Variants in JMJD1C observed in about 807,000 individuals in gnomAD.
The protein encoded by JMJD1C is jumonji domain-containing protein 1C.
In JMJD1C, 31 loss-of-function variants were observed where a neutral mutation model predicts 245.3. The ratio of observed to expected loss-of-function variants is 0.13; its 90% confidence interval spans 0.09 to 0.17. The LOEUF (loss-of-function observed/expected upper bound fraction) is 0.17, where lower values mean the gene tolerates loss of function less well. Among genes scored for constraint, JMJD1C ranks in the 10% least tolerant of loss-of-function variants. The pLI is 1.00. For synonymous variants in JMJD1C, 1,057 were observed against 1,017.4 expected, an observed-to-expected ratio of 1.04 and a Z score of -0.74; for missense variants, 2,691 against 3,000.2, an observed-to-expected ratio of 0.90 and a Z score of 2.41.
At chr10:63,515,364 G>C (rs1954985760) in intron 1 of JMJD1C, among the ~76,000 whole-genome samples, 1 of 152,120 alleles carries the variant, frequency 6.6e-6, no homozygotes, top group Non-Finnish European at 1.5e-5. Context: ...TTCTCCAGCT[G>C]ACAGCGTAAG....
chr10:63,465,002 C>G (rs181908056), intron 1 of JMJD1C, among the ~76,000 whole-genome samples: 1 of 152,356 alleles, frequency 6.6e-6, no homozygotes, highest in African/African-American at 2.4e-5. Context: ...GTGGGAAGGT[C>G]TCTTTTCTTT....
At chr10:63,305,191 A>AC (rs1937858800) in intron 2 of JMJD1C, among the ~76,000 whole-genome samples, 1 of 151,690 alleles carries the variant, frequency 6.6e-6, no homozygotes, top group South Asian at 2.1e-4. Context: ...ACATGGTGAA[A>AC]CCCCGTCTCT....
At chr10:63,273,764 T>C (rs964370399) in intron 2 of JMJD1C, among the ~76,000 whole-genome samples, 3 of 152,170 alleles carry the variant, frequency 2.0e-5, no homozygotes, top group Non-Finnish European at 4.4e-5. Context: ...ACTTCCTTCC[T>C]TTTTAGTTGG....
At position 63,380,353 on chromosome 10, in the gene JMJD1C, C is replaced by G; in HGVS notation, c.298G>C (p.Gly100Arg). 6.2e-7 allele frequency: 1 copy of G among 1,613,786 alleles called. No homozygotes were observed. The highest frequency in any genetic ancestry group is 8.5e-7 in the Non-Finnish European group (1 of 1,179,912). The stretch of plus-strand genomic sequence containing the variant: ...CACTGAATCTGTTTGCTCTTTGATC[C>G]CTGAGTCTGGCTAGGGTCATTCCTT... ...AKRNDPSQTQ[G>R]SKSKQIQWPA... Residue 100 changes from glycine (G) to arginine (R), a missense_variant, in exon 2 of 26, where the codon GGA becomes CGA. Gly to Arg is a moderately radical substitution (Grantham distance 125). Coordinates refer to ENST00000399262, the MANE Select transcript of JMJD1C (RefSeq NM_032776.3).
At chr10:63,273,259 T>C (rs1309001892) in intron 2 of JMJD1C, among the ~76,000 whole-genome samples, 2 of 152,194 alleles carry the variant, frequency 1.3e-5, no homozygotes, top group Admixed American at 6.6e-5. Context: ...AGTGGAGCTA[T>C]CAGCTCACTG....
chr10:63,487,927 T>A (rs548080188), intron 1 of JMJD1C, among the ~76,000 whole-genome samples: 19 of 152,348 alleles, frequency 1.2e-4, no homozygotes, highest in Admixed American at 2.6e-4. Context: ...CCTCATGTAA[T>A]ACTTCTAAGA....
In JMJD1C at chr10:63,452,597, TA is replaced by T. The variant is rs1458045891; in HGVS notation, c.168+12897del. Among the ~76,000 whole-genome samples the T allele has an allele frequency of 1.4e-4, 21 of 152,212 alleles. No homozygotes were observed. The East Asian group carries it at 4.1e-3, about 29-fold the overall frequency. ...ATTCTGGGTACATACCCCAAGGAAG[TA>T]AAAAGCAGGGACTTAAATAGATATG... is the stretch of plus-strand genomic sequence containing the variant. On this transcript the variant is annotated intron_variant, in intron 1 of 25. Transcript: ENST00000399262.
At chr10:63,354,115 A>G (rs918965009) in intron 2 of JMJD1C, among the ~76,000 whole-genome samples, 1 of 152,202 alleles carries the variant, frequency 6.6e-6, no homozygotes. Context: ...CTGGGATTAC[A>G]GGCATGAGCC....
chr10:63,349,272 T>C (rs1030715228), intron 2 of JMJD1C, among the ~76,000 whole-genome samples: 1 of 152,178 alleles, frequency 6.6e-6, no homozygotes, highest in African/African-American at 2.4e-5. Flanking sequence ...TTCTTTTCTT[T>C]ATAAATTACC....
At chr10:63,426,758 A>G (rs1429133234) in intron 1 of JMJD1C, among the ~76,000 whole-genome samples, 1 of 152,194 alleles carries the variant, frequency 6.6e-6, no homozygotes, top group Non-Finnish European at 1.5e-5. Context: ...AGAAAATGAA[A>G]TATATGAAGT....
intron 2 of JMJD1C, among the ~76,000 whole-genome samples, chr10:63,328,517 C>T (rs1330666216): frequency 6.6e-6 from 1 of 152,136 alleles, no homozygotes; most frequent in African/African-American, 2.4e-5. Flanking sequence ...GTCTGTATTT[C>T]CAGTTTTACT....
chr10:63,214,793 T>C lies in JMJD1C; in HGVS notation c.1374A>G (p.Glu458=). The C allele has an allele frequency of 6.2e-7, 1 of 1,613,754 alleles. No individual in the cohort carries two copies. The highest frequency in any genetic ancestry group is 8.5e-7 in the Non-Finnish European group (1 of 1,179,798). Residue 458 remains glutamate (E), a synonymous_variant, in exon 8 of 26, where the codon GAA becomes GAG. Transcript: ENST00000399262. ...KRKSVDTQLQ[E]DMIIHSSEQS... ...GTTCTGACGAATGAATAATCATATC[T>C]TCTTGAAGCTGAGTGTCAACAGACT...
intron 1 of JMJD1C, among the ~76,000 whole-genome samples, chr10:63,435,039 T>C (rs781526082): frequency 2.0e-5 from 3 of 152,238 alleles, no homozygotes; most frequent in Non-Finnish European, 4.4e-5. Flanking sequence ...CGAAATAGCC[T>C]ACACAAAAAT....
intron 1 of JMJD1C, among the ~76,000 whole-genome samples, chr10:63,404,978 A>G (rs996097805): frequency 3.3e-5 from 5 of 152,222 alleles, no homozygotes; most frequent in African/African-American, 9.7e-5. Context: ...GCAATGTTTA[A>G]GGATCAACAT....
intron 2 of JMJD1C, among the ~76,000 whole-genome samples, chr10:63,346,011 CTG>C (rs1256003120): frequency 6.6e-6 from 1 of 152,126 alleles, no homozygotes; most frequent in Non-Finnish European, 1.5e-5. Context: ...TTACGACTTT[CTG>C]TGTTTTTCAC....
chr10:63,368,325 T>C (rs1946022351), intron 2 of JMJD1C, among the ~76,000 whole-genome samples: 1 of 152,210 alleles, frequency 6.6e-6, no homozygotes, highest in East Asian at 1.9e-4. Flanking sequence ...TGGAATGCTC[T>C]GTGCAGGAAA....
chr10:63,316,197 T>C (rs372028742), intron 2 of JMJD1C, among the ~76,000 whole-genome samples: 1 of 152,170 alleles, frequency 6.6e-6, no homozygotes, highest in African/African-American at 2.4e-5. Flanking sequence ...AACAAAAATT[T>C]GTTGTTTTCA....
intron 2 of JMJD1C, among the ~76,000 whole-genome samples, chr10:63,355,116 C>G (rs376296929): frequency 1.3e-5 from 2 of 152,000 alleles, no homozygotes; most frequent in Non-Finnish European, 2.9e-5. Context: ...GCAAGTGATT[C>G]TCTAATCTCT....
In JMJD1C at chr10:63,465,592, C is replaced by T. The variant is rs1020421317; in HGVS notation, c.71G>A (p.Arg24His). Residue 24 changes from arginine to histidine, a missense_variant, in exon 1 of 26, where the codon CGT (arginine) becomes CAT (histidine). Physicochemically the swap from Arg to His is conservative, Grantham distance 29. Coordinates refer to ENST00000399262, the MANE Select transcript of JMJD1C (RefSeq NM_032776.3). Reference sequence around the variant, plus strand: ...GCGTCCGCTCTCCCAGCGCTCCGAACGTGCCTCGTCGCCGACCGCCACACA... The same window carrying T: ...GCGTCCGCTCTCCCAGCGCTCCGAATGTGCCTCGTCGCCGACCGCCACACA... ...FLCVAVGDEA[R>H]SERWESGRGW... is the part of the protein sequence containing the mutation. 8.1e-6 allele frequency: 13 copies of T among 1,609,630 alleles called. No homozygotes were observed. Among genetic ancestry groups the T allele is most frequent in the Non-Finnish European group, 1.1e-5 (13 of 1,179,874 alleles).
Sources: gnomAD v4.1 joint callset for allele counts (sites outside exome capture counted in the v4.1 genomes callset) on GRCh38, gnomAD v4.1.1 for gene constraint, MANE v1.5 for transcripts, NCBI Gene and HGNC (gene_info 2026-07-23, HGNC 2026-07-21) for gene names.